PLA2G4A: variants seen among roughly 807,000 people sequenced by gnomAD.
PLA2G4A encodes phospholipase A2 group IVA.
A neutral mutation model predicts 81.9 loss-of-function variants in PLA2G4A; 40 were observed. The observed-to-expected ratio is 0.49, with a 90% CI of 0.38 to 0.64. PLA2G4A has a LOEUF of 0.64. Ranked by LOEUF, PLA2G4A falls within the 30% of genes least tolerant of loss-of-function variation. PLA2G4A has a pLI of 0.00. For missense variants in PLA2G4A, 715 were observed against 905.1 expected, an observed-to-expected ratio of 0.79 and a Z score of 2.69; for synonymous variants, 302 against 296.9, an observed-to-expected ratio of 1.02 and a Z score of -0.18.
intron 17 of PLA2G4A, among the ~76,000 whole-genome samples, chr1:186,984,695 T>G (rs558245948): frequency 6.6e-6 from 1 of 152,338 alleles, no homozygotes; most frequent in South Asian, 2.1e-4. Flanking sequence ...CCTAATATAT[T>G]AGTCCATAAC....
intron 7 of PLA2G4A, among the ~76,000 whole-genome samples, chr1:186,926,865 A>G (rs1479012649): frequency 6.6e-6 from 1 of 152,236 alleles, no homozygotes; most frequent in African/African-American, 2.4e-5. Context: ...GAACAGTAAT[A>G]TTATACATAT....
intron 12 of PLA2G4A, among the ~76,000 whole-genome samples, chr1:186,947,801 A>G (rs1039422834): frequency 3.3e-5 from 5 of 152,146 alleles, no homozygotes; most frequent in African/African-American, 1.2e-4. Context: ...ACAACTACCT[A>G]CTATCTCTTC....
At position 186,894,134 on chromosome 1, in the gene PLA2G4A, A is replaced by G; in HGVS notation, c.301A>G (p.Thr101Ala). 1 of 1,501,658 alleles carries G rather than the reference A, an allele frequency of 6.7e-7. No individual in the cohort carries two copies. The highest frequency in any genetic ancestry group is 9.3e-7 in the Non-Finnish European group (1 of 1,077,550). 93.0% of individuals were successfully genotyped at this position (1,501,658 alleles called of 1,614,324 possible). The stretch of plus-strand genomic sequence containing the variant: ...GGATGCCAATTATGTCATGGATGAA[A>G]CTCTAGGGACAGCAACATTTACTGT... ...LMDANYVMDE[T>A]LGTATFTVSS... Residue 101 changes from threonine to alanine, a missense_variant, in exon 5 of 18, where the codon ACT becomes GCT. By Grantham distance (58) the Thr-to-Ala change is moderately conservative (BLOSUM62 0). Transcript: ENST00000367466.
At chr1:186,948,436 A>G (rs1023314058) in intron 12 of PLA2G4A, among the ~76,000 whole-genome samples, 2 of 152,026 alleles carry the variant, frequency 1.3e-5, no homozygotes, top group African/African-American at 2.4e-5. Context: ...TTTAATGAAC[A>G]TTATATCCCA....
chr1:186,868,565 T>A (rs1036926562), intron 2 of PLA2G4A, among the ~76,000 whole-genome samples: 1 of 152,242 alleles, frequency 6.6e-6, no homozygotes, highest in Non-Finnish European at 1.5e-5. Flanking sequence ...TCTGCTTTTA[T>A]CTTCTGGAAA....
chr1:186,894,057 A>G (rs772830819), intron 4 of PLA2G4A, 41 bp from the exon 5 acceptor site: 2 of 820,218 alleles, frequency 2.4e-6, no homozygotes, highest in Admixed American at 1.7e-5. Flanking sequence ...CCAAAGATCC[A>G]TGGGAAATTT....
In PLA2G4A at chr1:186,943,009, G is replaced by C. The variant is rs557940644; in HGVS notation, c.1033+2915G>C. ...TTCAAGTAGCTTTACTTGAGTTACTGGGAAAAAAAGAATAGAGACACGTCT... is the reference window on the plus strand; with the variant it reads ...TTCAAGTAGCTTTACTTGAGTTACTCGGAAAAAAAGAATAGAGACACGTCT... On this transcript the variant is annotated intron_variant, in intron 10 of 17. Transcript: ENST00000367466. 7.2e-5 allele frequency among the ~76,000 whole-genome samples: 11 copies of C among 152,094 alleles called. 1 individual carries two copies. The highest frequency in any genetic ancestry group is 1.9e-4 in the African/African-American group (8 of 41,510).
intron 1 of PLA2G4A, among the ~76,000 whole-genome samples, chr1:186,830,975 TTTCTTTCTTTCTTTC>T (rs1467843220): frequency 3.8e-5 from 5 of 131,576 alleles, no homozygotes; most frequent in African/African-American, 1.4e-4. Flanking sequence ...TCTTTCTTTC[TTTCTTTCTTTCTTTC>T]TTTCTTTCTT....
At chr1:186,885,731 T>C (rs1038327822) in intron 3 of PLA2G4A, among the ~76,000 whole-genome samples, 1 of 151,974 alleles carries the variant, frequency 6.6e-6, no homozygotes, top group African/African-American at 2.4e-5. Flanking sequence ...AATAATCAAA[T>C]GGAAAATTTT....
intron 7 of PLA2G4A, among the ~76,000 whole-genome samples, chr1:186,918,194 C>T (rs1160616074): frequency 6.7e-6 from 1 of 150,306 alleles, no homozygotes; most frequent in African/African-American, 2.5e-5. Context: ...GTAGATGCTG[C>T]TTTTTGAGCT....
intron 13 of PLA2G4A, among the ~76,000 whole-genome samples, chr1:186,952,371 G>A (rs952216021): frequency 2.6e-5 from 4 of 151,990 alleles, no homozygotes; most frequent in South Asian, 2.1e-4. Flanking sequence ...TTTTCTTTTC[G>A]GCTCTTAGTA....
intron 2 of PLA2G4A, among the ~76,000 whole-genome samples, chr1:186,864,571 A>G (rs1652943797): frequency 6.6e-6 from 1 of 151,666 alleles, no homozygotes; most frequent in South Asian, 2.1e-4. Context: ...GCATTTTTTC[A>G]TATACTTGTT....
intron 2 of PLA2G4A, among the ~76,000 whole-genome samples, chr1:186,865,798 A>T (rs1349941281): frequency 6.6e-6 from 1 of 152,188 alleles, no homozygotes; most frequent in East Asian, 1.9e-4. Context: ...TTTCAATGCC[A>T]ATCATAGTTA....
At chr1:186,982,984 T>C (rs771874704) in intron 17 of PLA2G4A, among the ~76,000 whole-genome samples, 3 of 150,418 alleles carry the variant, frequency 2.0e-5, no homozygotes, top group Non-Finnish European at 4.4e-5. Context: ...CTAGGGAGGC[T>C]GAGGCAGGAG....
rs1477391840 is a variant in PLA2G4A, at chr1:186,939,054, C to G, written c.742C>G (p.Pro248Ala). ...YSHPDFPEKG[P>A]EEINEELMKN... The stretch of plus-strand genomic sequence containing the variant: ...TCACCCTGATTTTCCAGAGAAAGGG[C>G]CAGAGGAGATTAATGAAGAACTAAT... Residue 248 changes from proline (P) to alanine (A), a missense_variant, in exon 9 of 18, where the codon CCA becomes GCA. Pro to Ala is a conservative substitution (Grantham distance 27). Transcript: ENST00000367466. The G allele has an allele frequency of 6.2e-7, 1 of 1,610,042 alleles. No individual in the cohort carries two copies. The highest frequency in any genetic ancestry group is 1.7e-5 in the Admixed American group (1 of 59,946).
At chr1:186,845,053 T>C (rs1472760163) in intron 1 of PLA2G4A, among the ~76,000 whole-genome samples, 1 of 151,968 alleles carries the variant, frequency 6.6e-6, no homozygotes, top group Non-Finnish European at 1.5e-5. Flanking sequence ...CTACTAAAAA[T>C]ACAAAAATTA....
At chr1:186,864,646 A>G (rs1358178628) in intron 2 of PLA2G4A, among the ~76,000 whole-genome samples, 4 of 44,848 alleles carry the variant, frequency 8.9e-5, no homozygotes, top group Non-Finnish European at 1.4e-4. Flanking sequence ...TAAAAATCAG[A>G]TTATTATTAT....
intron 7 of PLA2G4A, among the ~76,000 whole-genome samples, chr1:186,927,337 G>A (rs780874376): frequency 2.6e-5 from 4 of 152,298 alleles, no homozygotes; most frequent in Non-Finnish European, 5.9e-5. Flanking sequence ...CAAGATATAT[G>A]ACTTTGTGTA....
At chr1:186,867,349 C>G (rs752689025) in intron 2 of PLA2G4A, among the ~76,000 whole-genome samples, 4 of 152,078 alleles carry the variant, frequency 2.6e-5, no homozygotes, top group Non-Finnish European at 5.9e-5. Flanking sequence ...AATATCTCTC[C>G]ATTTATTTAG....
Sources: gnomAD v4.1 joint callset for allele counts (sites outside exome capture counted in the v4.1 genomes callset) on GRCh38, gnomAD v4.1.1 for gene constraint, MANE v1.5 for transcripts, NCBI Gene and HGNC (gene_info 2026-07-23, HGNC 2026-07-21) for gene names.